Variants in SEMA6D observed in about 807,000 individuals in gnomAD.
SEMA6D encodes semaphorin 6D.
SEMA6D carries 35 observed loss-of-function variants against 106.6 expected under a neutral mutation model. That is an observed-to-expected ratio of 0.33 (90% CI 0.25 to 0.44). SEMA6D has a LOEUF of 0.44. Among genes scored for constraint, SEMA6D ranks in the 20% least tolerant of loss-of-function variants. SEMA6D has a pLI of 1.00. For synonymous variants in SEMA6D, 499 were observed against 487.7 expected (o/e 1.02, Z -0.31); for missense variants, 1,185 against 1,345.9 (o/e 0.88, Z 1.87).
At chr15:47,326,958 T>A (rs562166862) in intron 1 of SEMA6D, among the ~76,000 whole-genome samples, 1 of 152,216 alleles carries the variant, frequency 6.6e-6, no homozygotes, top group Admixed American at 6.5e-5. Context: ...TCTAGGAGAC[T>A]GTCCTCATTA....
At chr15:47,203,736 G>A (rs1382704205) in intron 1 of SEMA6D, among the ~76,000 whole-genome samples, 1 of 152,170 alleles carries the variant, frequency 6.6e-6, no homozygotes, top group Non-Finnish European at 1.5e-5. Context: ...GGAGGAAAAG[G>A]ATCATCACCT....
chr15:47,646,810 G>A (rs950005585), intron 4 of SEMA6D, among the ~76,000 whole-genome samples: 1 of 152,150 alleles, frequency 6.6e-6, no homozygotes, highest in Non-Finnish European at 1.5e-5. Context: ...TATGCCATGA[G>A]CTGAAAAATG....
At chr15:47,578,621 T>C (rs1299543926) in intron 3 of SEMA6D, among the ~76,000 whole-genome samples, 1 of 151,894 alleles carries the variant, frequency 6.6e-6, no homozygotes, top group Admixed American at 6.6e-5. Context: ...GTAACACAAA[T>C]TTGTGAAATA....
chr15:47,738,956 C>T (rs2080622332), intron 1 of SEMA6D, among the ~76,000 whole-genome samples: 1 of 152,158 alleles, frequency 6.6e-6, no homozygotes, highest in Non-Finnish European at 1.5e-5. Context: ...CTTAGTTCCT[C>T]TCCCTATGGG....
At chr15:47,338,324 A>G (rs1215182257) in intron 1 of SEMA6D, among the ~76,000 whole-genome samples, 1 of 152,188 alleles carries the variant, frequency 6.6e-6, no homozygotes. Context: ...CAAGTATTCC[A>G]AATACCTGAA....
intron 4 of SEMA6D, among the ~76,000 whole-genome samples, chr15:47,666,095 C>T (rs1229278912): frequency 6.6e-6 from 1 of 152,170 alleles, no homozygotes; most frequent in African/African-American, 2.4e-5. Context: ...TTCAGACATC[C>T]CGAACATTTC....
chr15:47,428,810 T>G (rs1406854342), intron 2 of SEMA6D, among the ~76,000 whole-genome samples: 1 of 151,964 alleles, frequency 6.6e-6, no homozygotes, highest in East Asian at 1.9e-4. Flanking sequence ...GATTTTTGTC[T>G]CCCTGGCAAT....
At chr15:47,350,894 A>G (rs558834533) in intron 1 of SEMA6D, among the ~76,000 whole-genome samples, 3 of 152,160 alleles carry the variant, frequency 2.0e-5, no homozygotes, top group Non-Finnish European at 2.9e-5. Context: ...AGGTGGAACT[A>G]TATCATATGT....
intron 3 of SEMA6D, among the ~76,000 whole-genome samples, chr15:47,558,344 C>G: frequency 6.6e-6 from 1 of 151,948 alleles, no homozygotes; most frequent in East Asian, 1.9e-4. Flanking sequence ...AGAGATAAAT[C>G]CTTGTCTGAA....
At chr15:47,225,582 C>T (rs1196998867) in intron 1 of SEMA6D, among the ~76,000 whole-genome samples, 1 of 130,856 alleles carries the variant, frequency 7.6e-6, no homozygotes, top group Non-Finnish European at 1.5e-5. Context: ...GGCTAGAGTG[C>T]AGTGGCGCGA....
intron 4 of SEMA6D, among the ~76,000 whole-genome samples, chr15:47,629,071 A>C (rs558819697): frequency 1.3e-5 from 2 of 152,006 alleles, no homozygotes; most frequent in African/African-American, 4.8e-5. Context: ...TAAGTTCTCT[A>C]TTCAGTGTCA....
chr15:47,305,398 C>A (rs1287184490), intron 1 of SEMA6D, among the ~76,000 whole-genome samples: 1 of 152,188 alleles, frequency 6.6e-6, no homozygotes, highest in East Asian at 1.9e-4. Flanking sequence ...ATCTCCTGAG[C>A]TGAACCAAAG....
rs183193779 is a variant in SEMA6D at position 47,514,386 on chromosome 15, C to A, written c.-87+43841C>A. On this transcript the variant is annotated intron_variant, in intron 3 of 19. Transcript: ENST00000558014. ...CCACATTCATATCTCCAGTTCAGCTCTCTCTTCCAAGTTCCAAATTTTGCC... is the reference window on the plus strand; with the variant it reads ...CCACATTCATATCTCCAGTTCAGCTATCTCTTCCAAGTTCCAAATTTTGCC... Among the ~76,000 whole-genome samples, 849 of 152,272 alleles carry A rather than the reference C, an allele frequency of 5.6e-3. 6 individuals are homozygous for A. The highest frequency in any genetic ancestry group is 0.015 in the Admixed American group (229 of 15,296).
chr15:47,247,583 A>G (rs940000995), intron 1 of SEMA6D, among the ~76,000 whole-genome samples: 24 of 152,214 alleles, frequency 1.6e-4, no homozygotes, highest in Non-Finnish European at 7.3e-5. Context: ...TGGAACTATA[A>G]TAGTCGTCAC....
intron 4 of SEMA6D, among the ~76,000 whole-genome samples, chr15:47,693,482 A>T (rs2078632438): frequency 1.3e-5 from 2 of 152,130 alleles, no homozygotes; most frequent in African/African-American, 4.8e-5. Context: ...ATGAAAGTGA[A>T]AGGGATCACC....
chr15:47,663,864 A>T (rs1000936849), intron 4 of SEMA6D, among the ~76,000 whole-genome samples: 10 of 152,178 alleles, frequency 6.6e-5, no homozygotes, highest in Non-Finnish European at 1.5e-4. Flanking sequence ...GGAGATGCAG[A>T]AGTTCAGCCC....
At chr15:47,647,454 A>G (rs956183067) in intron 4 of SEMA6D, among the ~76,000 whole-genome samples, 2 of 152,230 alleles carry the variant, frequency 1.3e-5, no homozygotes, top group Non-Finnish European at 2.9e-5. Context: ...TATAGGGGTT[A>G]CACTAAAGAA....
At chr15:47,510,123 C>T (rs1337891804) in intron 3 of SEMA6D, among the ~76,000 whole-genome samples, 1 of 152,154 alleles carries the variant, frequency 6.6e-6, no homozygotes, top group Non-Finnish European at 1.5e-5. Context: ...CCGTGGCCTA[C>T]TAGGAACCAG....
intron 3 of SEMA6D, among the ~76,000 whole-genome samples, chr15:47,483,765 T>A (rs557492421): frequency 2.0e-5 from 3 of 152,298 alleles, no homozygotes; most frequent in African/African-American, 7.2e-5. Flanking sequence ...ATTTTCCATC[T>A]TCATGCCTAT....
Sources: gnomAD v4.1 joint callset for allele counts (sites outside exome capture counted in the v4.1 genomes callset) on GRCh38, gnomAD v4.1.1 for gene constraint, MANE v1.5 for transcripts, NCBI Gene and HGNC (gene_info 2026-07-23, HGNC 2026-07-21) for gene names.